The following ZNF544 variants were observed in gnomAD, a reference collection of about 807,000 sequenced individuals.
The protein encoded by ZNF544 is zinc finger protein 544.
A neutral mutation model predicts 13.5 loss-of-function variants in ZNF544; 10 were observed. The observed-to-expected ratio is 0.74, with a 90% CI of 0.46 to 1.25. The LOEUF is 1.25. Among genes scored for constraint, ZNF544 ranks in the 50% most tolerant of loss-of-function variants. ZNF544 has a pLI of 0.00. For synonymous variants in ZNF544, 323 were observed against 300.5 expected (o/e 1.07, Z -0.77); for missense variants, 896 against 845.6 (o/e 1.06, Z -0.74).
chr19:58,273,451 G>A (rs910441064), intron 5 of ZNF544, among the ~76,000 whole-genome samples: 3 of 152,132 alleles, frequency 2.0e-5, no homozygotes, highest in Non-Finnish European at 4.4e-5. Context: ...AGCACTTTGG[G>A]AGGCCAAGGT....
At position 58,241,162 on chromosome 19, in the gene ZNF544, A is replaced by AATAT. The variant is rs374852336; in HGVS notation, c.-59-2788_-59-2785dup. Among the ~76,000 whole-genome samples, 89 of 89,290 alleles carry AATAT rather than the reference A, an allele frequency of 1.0e-3. 2 individuals are homozygous for AATAT. The highest frequency in any genetic ancestry group is 1.3e-3 in the Non-Finnish European group (65 of 50,112). The allele number at this position is 89,290 out of a possible 152,430, so 58.6% of individuals were successfully genotyped here. A position where few individuals can be genotyped will look rare whatever the true frequency, so the allele number is the denominator to read the frequency against. ...AATTTAAAATATATATATATATTTA[A>AATAT]ATATATATATATATATATTTTTTTT... On this transcript the variant is annotated intron_variant, in intron 3 of 6. Coordinates refer to ENST00000687789, the MANE Select transcript of ZNF544 (RefSeq NM_014480.4).
intron 5 of ZNF544, among the ~76,000 whole-genome samples, chr19:58,273,605 G>A (rs1225222391): frequency 3.3e-5 from 5 of 150,698 alleles, no homozygotes; most frequent in Admixed American, 2.0e-4. Context: ...CAGGAGAATC[G>A]CTTGAACCCG....
intron 6 of ZNF544, among the ~76,000 whole-genome samples, chr19:58,276,674 G>A (rs2051249431): frequency 6.6e-6 from 1 of 152,126 alleles, no homozygotes; most frequent in Non-Finnish European, 1.5e-5. Flanking sequence ...CACCATGTTG[G>A]CCAGGGTGGT....
chr19:58,263,438 T>C lies in ZNF544; in HGVS notation c.*684T>C. On this transcript the variant is annotated 3_prime_UTR_variant, in exon 7 of 7. Transcript: ENST00000687789. ...ATCATGCCATCACACCGCTGCCTTG[T>C]GAGAGATTGAGACACTCTAAATAAA... The C allele has an allele frequency of 1.0e-6, 1 of 985,160 alleles. No homozygotes were observed. The highest frequency in any genetic ancestry group is 1.2e-6 in the Non-Finnish European group (1 of 829,916). 61.0% of individuals were successfully genotyped at this position (985,160 alleles called of 1,614,324 possible).
intron 3 of ZNF544, among the ~76,000 whole-genome samples, chr19:58,237,371 A>G (rs932878307): frequency 6.6e-6 from 1 of 152,038 alleles, no homozygotes; most frequent in Non-Finnish European, 1.5e-5. Flanking sequence ...GCTTCTGTTC[A>G]TCTTAAGCCA....
chr19:58,275,326 C>T (rs61444817), intron 5 of ZNF544, among the ~76,000 whole-genome samples: 1,921 of 152,096 alleles, frequency 0.013, 40 homozygotes, highest in African/African-American at 0.041. Flanking sequence ...CACTGGCATC[C>T]GGTGACCTTC....
rs1392035129 is a variant in ZNF544 at position 58,262,095 on chromosome 19, T to C, written c.1489T>C (p.Cys497Arg). 6.2e-7 allele frequency: 1 copy of C among 1,610,570 alleles called. No individual in the cohort carries two copies. The highest frequency in any genetic ancestry group is 1.4e-5 in the African/African-American group (1 of 73,480). ...TGEKPFKCTQ[C>R]GKSFSQKYDL... is the part of the protein sequence containing the mutation. Reference sequence around the variant, plus strand: ...AGAAAAACCCTTCAAATGTACTCAGTGTGGGAAATCTTTCAGCCAGAAGTA... The same window carrying C: ...AGAAAAACCCTTCAAATGTACTCAGCGTGGGAAATCTTTCAGCCAGAAGTA... Residue 497 changes from cysteine (C) to arginine (R), a missense_variant, in exon 7 of 7, where the codon TGT becomes CGT. Coordinates refer to ENST00000687789, the MANE Select transcript of ZNF544 (RefSeq NM_014480.4).
At chr19:58,240,329 C>T (rs916151202) in intron 3 of ZNF544, among the ~76,000 whole-genome samples, 2 of 151,590 alleles carry the variant, frequency 1.3e-5, no homozygotes, top group Non-Finnish European at 2.9e-5. Context: ...CTGATCTCTG[C>T]TCACTGCAAG....
At position 58,263,499 on chromosome 19, in the gene ZNF544, T is replaced by G. The variant is rs2049418206; in HGVS notation, c.*745T>G. ...GATGGGAAATTTCCCTGCCAGACCT[T>G]GTTTACTAGAAATCAGGTGGCCAAA... On this transcript the variant is annotated 3_prime_UTR_variant, in exon 7 of 7. Transcript: ENST00000687789. 3 of 985,272 alleles carry G rather than the reference T, an allele frequency of 3.0e-6. No individual in the cohort carries two copies. Among genetic ancestry groups the G allele is most frequent in the Non-Finnish European group, 3.6e-6 (3 of 829,960 alleles). The allele number at this position is 985,272 out of a possible 1,614,324, so 61.0% of individuals were successfully genotyped here.
downstream of ZNF544, chr19:58,267,259 A>C (rs1246392379): frequency 6.6e-6 from 1 of 151,664 alleles, no homozygotes; most frequent in African/African-American, 2.4e-5. Context: ...ACGGGGTTTC[A>C]CCATGTTGAC....
intron 6 of ZNF544, among the ~76,000 whole-genome samples, chr19:58,256,609 A>G (rs1299798939): frequency 6.6e-6 from 1 of 152,218 alleles, no homozygotes; most frequent in Non-Finnish European, 1.5e-5. Context: ...ATAATTAGAT[A>G]TATAGGGTCT....
At chr19:58,254,560 C>A (rs1349420091) in intron 6 of ZNF544, among the ~76,000 whole-genome samples, 3 of 152,316 alleles carry the variant, frequency 2.0e-5, no homozygotes, top group African/African-American at 4.8e-5. Context: ...CCTAGAGGAT[C>A]CCCCTTTGGG....
chr19:58,262,469 G>A lies in ZNF544; in HGVS notation c.1863G>A (p.Arg621=). 3.7e-6 allele frequency: 6 copies of A among 1,614,140 alleles called. No individual in the cohort carries two copies. The highest frequency in any genetic ancestry group is 4.2e-6 in the Non-Finnish European group (5 of 1,180,012). Residue 621 remains arginine (R), a synonymous_variant, in exon 7 of 7, where the codon AGG becomes AGA. Coordinates refer to ENST00000687789, the MANE Select transcript of ZNF544 (RefSeq NM_014480.4). ...TCAATCGAAGCACTCAGCTCATCAGGCATCTGCAAATTCACACTGGGGAGA... is the reference window on the plus strand; with the variant it reads ...TCAATCGAAGCACTCAGCTCATCAGACATCTGCAAATTCACACTGGGGAGA... The part of the protein sequence containing the change: ...KAFNRSTQLI[R]HLQIHTGEKP...
At chr19:58,246,826 C>T (rs776021724) in intron 6 of ZNF544, 32 bp downstream of exon 6, 18 of 1,603,522 alleles carry the variant, frequency 1.1e-5, no homozygotes, top group African/African-American at 5.4e-5. Context: ...AGCAGCTCAA[C>T]GTTTAACAAG....
chr19:58,274,357 T>C (rs1282566992), intron 5 of ZNF544, among the ~76,000 whole-genome samples: 1 of 152,120 alleles, frequency 6.6e-6, no homozygotes, highest in African/African-American at 2.4e-5. Context: ...GTTGTCCTTA[T>C]AAAAACAGAA....
Position 58,246,764 on chromosome 19 carries a change from C to T in ZNF544, c.214C>T (p.Leu72=), listed in dbSNP as rs2045313911. 6.2e-7 allele frequency: 1 copy of T among 1,613,996 alleles called. No homozygotes were observed. The highest frequency in any genetic ancestry group is 1.3e-5 in the African/African-American group (1 of 74,932). The part of the protein sequence containing the change: ...VISQLEQEED[L]CRAEQEAPRD... ...CTCTCAGCTGGAGCAAGAAGAGGAC[C>T]TGTGCAGGGCAGAGCAGGAGGCCCC... Residue 72 remains leucine, a synonymous_variant, in exon 6 of 7, where the codon CTG becomes TTG. Coordinates refer to ENST00000687789, the MANE Select transcript of ZNF544 (RefSeq NM_014480.4).
Position 58,246,182 on chromosome 19 carries a change from G to A in ZNF544, c.34-119G>A, listed in dbSNP as rs1314385937. ...CCACCTCTTAACACTATCTCACTGG[G>A]TATTAGGTTCCAATGTATGAATTTT... On this transcript the variant is annotated intron_variant, in intron 4 of 6. Coordinates refer to ENST00000687789, the MANE Select transcript of ZNF544 (RefSeq NM_014480.4). The A allele has an allele frequency of 8.9e-6, 12 of 1,350,150 alleles. 1 individual carries two copies. In the South Asian group the frequency reaches 1.3e-4, roughly 15 times the overall value. 83.6% of individuals were successfully genotyped at this position (1,350,150 alleles called of 1,614,324 possible). A position where few individuals can be genotyped will look rare whatever the true frequency, so the allele number is the denominator to read the frequency against.
intron 2 of ZNF544, chr19:58,230,168 A>G (rs1178700209): frequency 6.6e-6 from 1 of 152,286 alleles, no homozygotes; most frequent in Non-Finnish European, 1.5e-5. Context: ...AAAAGGAAAG[A>G]GAAAGCAACT....
In ZNF544 at chr19:58,261,790, T is replaced by C; in HGVS notation, c.1184T>C (p.Leu395Pro). 1 of 1,614,086 alleles carries C rather than the reference T, an allele frequency of 6.2e-7. No homozygotes were observed. ...AAATCTTTTAGCCAGAGCTATGACC[T>C]TGTCATACATCAGAGGACACACACT... is the stretch of plus-strand genomic sequence containing the variant. ...CGKSFSQSYD[L>P]VIHQRTHTGE... Residue 395 changes from leucine to proline, a missense_variant, in exon 7 of 7, where the codon CTT becomes CCT. Physicochemically the swap from Leu to Pro is moderately conservative, Grantham distance 98. Coordinates refer to ENST00000687789, the MANE Select transcript of ZNF544 (RefSeq NM_014480.4).
Sources: allele counts gnomAD v4.1 joint callset (sites outside exome capture counted in the v4.1 genomes callset), GRCh38; gene constraint gnomAD v4.1.1; transcripts MANE v1.5; gene names NCBI Gene and HGNC (gene_info 2026-07-23, HGNC 2026-07-21).